Variants in RABGEF1 observed in about 807,000 individuals in gnomAD.
The protein encoded by RABGEF1 is rab5 GDP/GTP exchange factor.
Under a neutral mutation model 57.3 loss-of-function variants are expected in RABGEF1, and 26 were observed. The observed-to-expected ratio is 0.45, with a 90% CI of 0.33 to 0.63. The LOEUF (loss-of-function observed/expected upper bound fraction) is 0.63. Among genes scored for constraint, RABGEF1 ranks in the 20% least tolerant of loss-of-function variants. The pLI, the probability that RABGEF1 is intolerant of heterozygous loss-of-function variation, is 0.02. For missense variants in RABGEF1, 464 were observed against 607.6 expected (o/e 0.76, Z 2.48); for synonymous variants, 185 against 210.7 (o/e 0.88, Z 1.06).
chr7:66,752,982 C>T (rs1338064299), intron 1 of RABGEF1, among the ~76,000 whole-genome samples: 2 of 152,298 alleles, frequency 1.3e-5, no homozygotes, highest in East Asian at 3.9e-4. Context: ...TCCTCAGTTC[C>T]TGGCACTGTG....
At chr7:66,697,793 A>G (rs1792579066) in intron 1 of RABGEF1, among the ~76,000 whole-genome samples, 1 of 152,102 alleles carries the variant, frequency 6.6e-6, no homozygotes, top group Non-Finnish European at 1.5e-5. Context: ...AACTGAGGTC[A>G]CGTCTGGGAC....
intron 1 of RABGEF1, among the ~76,000 whole-genome samples, chr7:66,697,052 C>T (rs1453043047): frequency 6.6e-6 from 1 of 152,122 alleles, no homozygotes; most frequent in Non-Finnish European, 1.5e-5. Context: ...CCCAGGGGAC[C>T]CTACTGCTGG....
chr7:66,654,863 C>T, the RABGEF1 span, among the ~76,000 whole-genome samples: 3 of 152,260 alleles, frequency 2.0e-5, no homozygotes, highest in African/African-American at 7.2e-5. Flanking sequence ...CGCGGCTTCT[C>T]CGTCTAACGT....
intron 8 of RABGEF1, 59 bp downstream of exon 8, chr7:66,805,455 A>G: frequency 1.3e-6 from 2 of 1,597,952 alleles, no homozygotes; most frequent in Non-Finnish European, 1.7e-6. Context: ...GGTTTTGGGG[A>G]TGTGACAGGT....
chr7:66,659,408 C>T, the RABGEF1 span, among the ~76,000 whole-genome samples: 791 of 150,718 alleles, frequency 5.2e-3, 6 homozygotes, highest in Non-Finnish European at 9.0e-3. Flanking sequence ...GCCGACATTG[C>T]GCCACTGCGC....
At chr7:66,794,640 C>T (rs1215903096) in intron 4 of RABGEF1, among the ~76,000 whole-genome samples, 1 of 152,174 alleles carries the variant, frequency 6.6e-6, no homozygotes. Flanking sequence ...TGACAGTGTG[C>T]ACTGAGTTTC....
chr7:66,699,147 G>C (rs1302128465), intron 1 of RABGEF1, among the ~76,000 whole-genome samples: 1 of 152,252 alleles, frequency 6.6e-6, no homozygotes, highest in South Asian at 2.1e-4. Flanking sequence ...TTTCCTCGTG[G>C]GTCCATTCTC....
intron 3 of RABGEF1, among the ~76,000 whole-genome samples, chr7:66,779,387 C>T (rs1809319985): frequency 6.6e-6 from 1 of 151,902 alleles, no homozygotes; most frequent in African/African-American, 2.4e-5. Flanking sequence ...GCCTGCAATC[C>T]CAGCTGCTTG....
intron 2 of RABGEF1, among the ~76,000 whole-genome samples, chr7:66,728,892 ACTCAC>A (rs1019805639): frequency 2.8e-5 from 1 of 35,922 alleles, no homozygotes; most frequent in African/African-American, 1.1e-4. Context: ...TCATCTCCAA[ACTCAC>A]CTCCACGCTC....
chr7:66,802,979 G>T (rs1787633841), intron 7 of RABGEF1, among the ~76,000 whole-genome samples: 1 of 152,122 alleles, frequency 6.6e-6, no homozygotes, highest in Non-Finnish European at 1.5e-5. Context: ...AAGGTAGAAG[G>T]CTAAAGATAA....
rs187571506 is a variant in RABGEF1, at chr7:66,753,623, C to G, written c.-18+12831C>G. Reference sequence around the variant, plus strand: ...AATTTCCCTTTCAGTTTGAAGAGCTCTCCCTGGTATTTCTTCCAGTGGATG... The same window carrying G: ...AATTTCCCTTTCAGTTTGAAGAGCTGTCCCTGGTATTTCTTCCAGTGGATG... On this transcript the variant is annotated intron_variant, in intron 1 of 8. Transcript: ENST00000284957. Among the ~76,000 whole-genome samples, 284 of 151,166 alleles carry G rather than the reference C, an allele frequency of 1.9e-3. 1 individual carries two copies. Among genetic ancestry groups the G allele is most frequent in the African/African-American group, 5.3e-3 (220 of 41,176 alleles).
intron 1 of RABGEF1, among the ~76,000 whole-genome samples, chr7:66,682,742 G>A (rs1208445637): frequency 6.6e-6 from 1 of 152,200 alleles, no homozygotes. Context: ...CGTCGCCCTG[G>A]GGGGACAGAA....
chr7:66,737,685 C>T (rs1308304618), upstream of RABGEF1, among the ~76,000 whole-genome samples: 6 of 152,140 alleles, frequency 3.9e-5, no homozygotes, highest in Non-Finnish European at 7.4e-5. Flanking sequence ...CGTGGAAAAA[C>T]ACATTCTCAA....
At chr7:66,764,598 G>A (rs1485071092) in intron 1 of RABGEF1, among the ~76,000 whole-genome samples, 6 of 152,106 alleles carry the variant, frequency 3.9e-5, no homozygotes, top group Non-Finnish European at 8.8e-5. Context: ...TTTACATTTA[G>A]GTCTTTGATT....
chr7:66,741,231 G>T (rs947002467), intron 1 of RABGEF1, among the ~76,000 whole-genome samples: 1 of 152,186 alleles, frequency 6.6e-6, no homozygotes, highest in African/African-American at 2.4e-5. Context: ...GGTATGGGAC[G>T]CTCGGACCCA....
At chr7:66,670,255 C>G in the RABGEF1 span, among the ~76,000 whole-genome samples, 2 of 152,102 alleles carry the variant, frequency 1.3e-5, no homozygotes. Context: ...GGATGCTCTT[C>G]CCTGCAATTC....
At chr7:66,682,869 G>A (rs1380205569) in intron 1 of RABGEF1, among the ~76,000 whole-genome samples, 2 of 152,206 alleles carry the variant, frequency 1.3e-5, no homozygotes, top group Non-Finnish European at 2.9e-5. Flanking sequence ...GAACCGTCTG[G>A]GAGGAGAGCC....
chr7:66,795,645 C>T lies in RABGEF1; in HGVS notation c.595+53C>T, dbSNP rs1403555337. 5 of 1,461,178 alleles carry T rather than the reference C, an allele frequency of 3.4e-6. No individual in the cohort carries two copies. In the African/African-American group the frequency reaches 5.6e-5, roughly 16 times the overall value. The allele number at this position is 1,461,178 out of a possible 1,614,324, so 90.5% of individuals were successfully genotyped here. A position where few individuals can be genotyped will look rare whatever the true frequency, so the allele number is the denominator to read the frequency against. ...CGGGTATTGCACAGGGATGACTGCTCAGTCTCTTAGCAATTTCTTTCTTTC... is the reference window on the plus strand; with the variant it reads ...CGGGTATTGCACAGGGATGACTGCTTAGTCTCTTAGCAATTTCTTTCTTTC... On this transcript the variant is annotated intron_variant, in intron 5 of 8. Coordinates refer to ENST00000284957, the MANE Select transcript of RABGEF1 (RefSeq NM_014504.3).
At chr7:66,760,442 ATTT>A (rs1024130038) in intron 1 of RABGEF1, among the ~76,000 whole-genome samples, 21 of 126,122 alleles carry the variant, frequency 1.7e-4, no homozygotes, top group Admixed American at 8.0e-5. Context: ...GTTAGCATGT[ATTT>A]TTTTTTTTTT....
Sources: allele counts gnomAD v4.1 joint callset (sites outside exome capture counted in the v4.1 genomes callset), GRCh38; gene constraint gnomAD v4.1.1; transcripts MANE v1.5; gene names NCBI Gene and HGNC (gene_info 2026-07-23, HGNC 2026-07-21).